Variants in PCDHGA3 observed in about 807,000 individuals in gnomAD.
PCDHGA3 encodes the protein protocadherin gamma subfamily A, 3, also known as protocadherin gamma-A3.
PCDHGA3 carries 40 observed loss-of-function variants against 58.5 expected under a neutral mutation model. The ratio of observed to expected loss-of-function variants is 0.68; its 90% confidence interval spans 0.53 to 0.89. The LOEUF (loss-of-function observed/expected upper bound fraction) is 0.89. Ranked by LOEUF, PCDHGA3 falls within the 40% of genes least tolerant of loss-of-function variation. PCDHGA3 has a pLI of 0.00. For missense variants in PCDHGA3, 1,223 were observed against 1,195.9 expected, an observed-to-expected ratio of 1.02 and a Z score of -0.33; for synonymous variants, 530 against 525.7, an observed-to-expected ratio of 1.01 and a Z score of -0.11.
At position 141,512,644 on chromosome 5, in the gene PCDHGA3, G is replaced by T. The variant is rs1283774989; in HGVS notation, c.*1471G>T. Reference sequence around the variant, plus strand: ...ACCCCAGACCTGCCCTTACAGTAGTGTAGCGCCCCCTCCCTCTTTCGGCTG... The same window carrying T: ...ACCCCAGACCTGCCCTTACAGTAGTTTAGCGCCCCCTCCCTCTTTCGGCTG... On this transcript the variant is annotated 3_prime_UTR_variant, in exon 4 of 4. Coordinates refer to ENST00000253812, the MANE Select transcript of PCDHGA3 (RefSeq NM_018916.4). 1 of 152,528 alleles carries T rather than the reference G, an allele frequency of 6.6e-6. No individual in the cohort carries two copies. The allele number at this position is 152,528 out of a possible 1,614,324, so 9.4% of individuals were successfully genotyped here.
chr5:141,384,914 T>C, intron 1 of PCDHGA3: 1 of 1,613,988 alleles, frequency 6.2e-7, no homozygotes, highest in Non-Finnish European at 8.5e-7. Flanking sequence ...CCCGAAGTCT[T>C]GGCCGACCTG....
intron 1 of PCDHGA3, among the ~76,000 whole-genome samples, chr5:141,457,620 A>G (rs2098925834): frequency 6.6e-6 from 1 of 152,234 alleles, no homozygotes; most frequent in Admixed American, 6.5e-5. Flanking sequence ...ATGAACTTTA[A>G]TCTTATACTT....
chr5:141,388,659 A>C (rs777197911), intron 1 of PCDHGA3: 1 of 1,613,882 alleles, frequency 6.2e-7, no homozygotes, highest in East Asian at 2.2e-5. Flanking sequence ...GTACCCGGGG[A>C]CCACGGTGCT....
intron 2 of PCDHGA3, among the ~76,000 whole-genome samples, chr5:141,497,219 A>G (rs974609491): frequency 6.7e-6 from 1 of 149,602 alleles, no homozygotes; most frequent in South Asian, 2.1e-4. Context: ...TGGGGGGGGG[A>G]AGATCAGAGA....
chr5:141,456,703 G>A (rs528071544), intron 1 of PCDHGA3, among the ~76,000 whole-genome samples: 37 of 152,180 alleles, frequency 2.4e-4, no homozygotes, highest in Non-Finnish European at 4.9e-4. Context: ...GGTGGCTCGC[G>A]CCTGTAATCC....
At chr5:141,422,963 C>T (rs372620011) in intron 1 of PCDHGA3, 43 of 1,614,120 alleles carry the variant, frequency 2.7e-5, no homozygotes, top group Middle Eastern at 1.6e-4. Context: ...GTGGAGCTGG[C>T]GCCCCGCTCT....
chr5:141,419,748 G>T, intron 1 of PCDHGA3: 1 of 1,613,872 alleles, frequency 6.2e-7, no homozygotes, highest in Non-Finnish European at 8.5e-7. Flanking sequence ...CGCATGGTGC[G>T]TGCTTTGGGT....
At chr5:141,356,781 C>T (rs1283298269) in intron 1 of PCDHGA3, 7 of 1,613,876 alleles carry the variant, frequency 4.3e-6, no homozygotes, top group East Asian at 4.5e-5. Context: ...AGTTTAGAGA[C>T]CTGCAGCTGC....
chr5:141,375,152 G>T, intron 1 of PCDHGA3: 2 of 1,613,930 alleles, frequency 1.2e-6, no homozygotes, highest in Non-Finnish European at 1.7e-6. Context: ...CAGAACAATT[G>T]CTGAAAGTGC....
chr5:141,410,544 G>T, intron 1 of PCDHGA3: 1 of 1,613,640 alleles, frequency 6.2e-7, no homozygotes, highest in Non-Finnish European at 8.5e-7. Flanking sequence ...GACATGGTTT[G>T]CAGTGTTTCT....
At chr5:141,423,874 A>T (rs1264795133) in intron 1 of PCDHGA3, 2 of 1,283,268 alleles carry the variant, frequency 1.6e-6, no homozygotes, top group African/African-American at 3.1e-5. Flanking sequence ...GTCATTTTTC[A>T]ATCTTGGCAT....
At chr5:141,357,174 C>T (rs1207950942) in intron 1 of PCDHGA3, 1 of 1,613,676 alleles carries the variant, frequency 6.2e-7, no homozygotes, top group Non-Finnish European at 8.5e-7. Context: ...CGGCCACCGT[C>T]ACACTCACTG....
chr5:141,392,911 A>G (rs1416480997), intron 1 of PCDHGA3: 1 of 1,613,712 alleles, frequency 6.2e-7, no homozygotes, highest in African/African-American at 1.3e-5. Context: ...CAGATTCGCT[A>G]CTCTGTGCCA....
At position 141,487,270 on chromosome 5, in the gene PCDHGA3, A is replaced by T. The variant is rs777469322; in HGVS notation, c.2425-7537A>T. 6.2e-7 allele frequency: 1 copy of T among 1,614,046 alleles called. No homozygotes were observed. Among genetic ancestry groups the T allele is most frequent in the South Asian group, 1.1e-5 (1 of 91,076 alleles). On this transcript the variant is annotated intron_variant, in intron 1 of 3. Transcript: ENST00000253812. The surrounding 1 kb of genome is among the most constrained non-coding windows in gnomAD (Gnocchi z 5.0). ...TCTACTTGGCTGTGTCCCTAGTGGC[A>T]ATTTGCTTTGTCTCCTTTGGCTCAT... is the stretch of plus-strand genomic sequence containing the variant.
chr5:141,384,334 C>T, intron 1 of PCDHGA3: 1 of 1,613,846 alleles, frequency 6.2e-7, no homozygotes. Flanking sequence ...TGCACAGGAC[C>T]ACGACAGTGA....
chr5:141,350,501 T>A (rs750036904), intron 1 of PCDHGA3: 12 of 1,614,050 alleles, frequency 7.4e-6, no homozygotes, highest in Non-Finnish European at 1.0e-5. Flanking sequence ...GAGCGGGGAT[T>A]TGTTAGTGAA....
At chr5:141,365,895 A>G in intron 1 of PCDHGA3, 1 of 1,614,212 alleles carries the variant, frequency 6.2e-7, no homozygotes, top group East Asian at 2.2e-5. Flanking sequence ...TCCTTCGACT[A>G]TGAGCAGTTG....
intron 1 of PCDHGA3, chr5:141,357,352 C>A (rs1341933650): frequency 6.2e-7 from 1 of 1,614,156 alleles, no homozygotes; most frequent in Admixed American, 1.7e-5. Flanking sequence ...CAAGCTGAGA[C>A]GCTGGCACAA....
chr5:141,470,358 A>G (rs1263824284), intron 1 of PCDHGA3, among the ~76,000 whole-genome samples: 2 of 152,174 alleles, frequency 1.3e-5, no homozygotes, highest in African/African-American at 4.8e-5. Context: ...AAATAGACAC[A>G]TTAGGTTGAA....
Sources: allele counts gnomAD v4.1 joint callset (sites outside exome capture counted in the v4.1 genomes callset), GRCh38; gene constraint gnomAD v4.1.1; non-coding constraint Gnocchi (gnomAD v3.1); transcripts MANE v1.5; gene names NCBI Gene and HGNC (gene_info 2026-07-23, HGNC 2026-07-21).